The following MCTP1 variants were observed in gnomAD, a reference collection of about 807,000 sequenced individuals.
The protein encoded by MCTP1 is multiple C2 and transmembrane domain containing 1, also known as multiple C2 and transmembrane domain-containing protein 1.
A neutral mutation model predicts 120.6 loss-of-function variants in MCTP1; 69 were observed. That is an observed-to-expected ratio of 0.57 (90% CI 0.47 to 0.70). MCTP1 has a LOEUF of 0.70. Ranked by LOEUF, MCTP1 falls within the 30% of genes least tolerant of loss-of-function variation. The probability of loss-of-function intolerance (pLI) is 0.00; values close to 1 mark genes in which losing one functional copy is unlikely to be tolerated. For missense variants in MCTP1, 1,203 were observed against 1,248.8 expected (o/e 0.96, Z 0.55); for synonymous variants, 529 against 493.1 (o/e 1.07, Z -0.96).
intron 1 of MCTP1, among the ~76,000 whole-genome samples, chr5:95,068,225 G>C (rs554036269): frequency 6.6e-6 from 1 of 152,068 alleles, no homozygotes; most frequent in Non-Finnish European, 1.5e-5. Flanking sequence ...ATAATGTCTT[G>C]GGTAGGGTTT....
In MCTP1 at chr5:95,214,028, C is replaced by G. The variant is rs1752729933; in HGVS notation, c.720+69828G>C. ...AATTGACAAATGGGATCTAATTAAA[C>G]TAAAGAGCTTCTGCACAGCAAAAGA... On this transcript the variant is annotated intron_variant, in intron 1 of 22. Coordinates refer to ENST00000515393, the MANE Select transcript of MCTP1 (RefSeq NM_024717.7). 2.6e-5 allele frequency among the ~76,000 whole-genome samples: 4 copies of G among 152,244 alleles called. No homozygotes were observed. In the South Asian group the frequency reaches 8.3e-4, roughly 32 times the overall value.
At chr5:94,746,698 T>C (rs974811429) in intron 19 of MCTP1, among the ~76,000 whole-genome samples, 1 of 152,232 alleles carries the variant, frequency 6.6e-6, no homozygotes, top group Non-Finnish European at 1.5e-5. Context: ...ATGCATTCCA[T>C]GTCATAAAGA....
At chr5:94,883,314 A>G (rs1322205186) in intron 12 of MCTP1, among the ~76,000 whole-genome samples, 1 of 152,194 alleles carries the variant, frequency 6.6e-6, no homozygotes, top group East Asian at 1.9e-4. Context: ...ATGGTACACT[A>G]TCTGCTTAAA....
chr5:94,914,447 GCTT>G (rs1478379341), intron 8 of MCTP1, among the ~76,000 whole-genome samples: 15 of 152,320 alleles, frequency 9.8e-5, no homozygotes, highest in East Asian at 7.7e-4. Context: ...ATTTCAGAGT[GCTT>G]CTATTAGGAA....
At chr5:94,978,383 TAA>T (rs1828592128) in intron 2 of MCTP1, among the ~76,000 whole-genome samples, 1 of 152,072 alleles carries the variant, frequency 6.6e-6, no homozygotes, top group Non-Finnish European at 1.5e-5. Flanking sequence ...ATCAGGATCT[TAA>T]AGAGAAATAA....
chr5:94,971,652 A>C (rs1250355524), intron 2 of MCTP1, among the ~76,000 whole-genome samples: 2 of 152,132 alleles, frequency 1.3e-5, no homozygotes, highest in Non-Finnish European at 2.9e-5. Context: ...TTCCATTGCT[A>C]AATATGCCAA....
At chr5:95,139,146 A>G (rs774444912) in intron 1 of MCTP1, among the ~76,000 whole-genome samples, 3 of 152,262 alleles carry the variant, frequency 2.0e-5, no homozygotes, top group South Asian at 4.1e-4. Flanking sequence ...ATCCATCAAA[A>G]AAGTTAGATC....
At chr5:94,957,278 G>A (rs1004621007) in intron 2 of MCTP1, among the ~76,000 whole-genome samples, 4 of 152,158 alleles carry the variant, frequency 2.6e-5, no homozygotes, top group African/African-American at 9.6e-5. Context: ...GCTAAATATG[G>A]AAAGGAAAAA....
At chr5:95,119,508 GAAGAA>G (rs1299067283) in intron 1 of MCTP1, among the ~76,000 whole-genome samples, 2 of 151,904 alleles carry the variant, frequency 1.3e-5, no homozygotes, top group African/African-American at 2.4e-5. Flanking sequence ...AAAATTAGTA[GAAGAA>G]AAGAAATAAT....
At chr5:94,995,678 C>G (rs1211156996) in intron 2 of MCTP1, among the ~76,000 whole-genome samples, 1 of 152,122 alleles carries the variant, frequency 6.6e-6, no homozygotes, top group East Asian at 1.9e-4. Context: ...GCTTTCCTCC[C>G]AAGGGAAATC....
intron 1 of MCTP1, among the ~76,000 whole-genome samples, chr5:95,263,784 C>T (rs1340423993): frequency 6.6e-6 from 1 of 152,132 alleles, no homozygotes; most frequent in Non-Finnish European, 1.5e-5. Flanking sequence ...ATGTTATTCC[C>T]CCAGATTTAC....
chr5:95,211,908 C>T (rs941271952), intron 1 of MCTP1, among the ~76,000 whole-genome samples: 1 of 152,064 alleles, frequency 6.6e-6, no homozygotes, highest in African/African-American at 2.4e-5. Context: ...GGACCCTCAG[C>T]TGCAGGTCTG....
At chr5:94,868,680 G>A (rs1429395115) in intron 16 of MCTP1, among the ~76,000 whole-genome samples, 4 of 151,742 alleles carry the variant, frequency 2.6e-5, no homozygotes, top group Non-Finnish European at 5.9e-5. Context: ...TAACATGTAG[G>A]TTGGACTACC....
At chr5:94,912,522 T>A (rs1329797697) in intron 9 of MCTP1, among the ~76,000 whole-genome samples, 1 of 147,290 alleles carries the variant, frequency 6.8e-6, no homozygotes, top group Non-Finnish European at 1.5e-5. Context: ...TCTGGGTGGC[T>A]GTTATTGTTT....
At chr5:95,079,163 C>T (rs1754315273) in intron 1 of MCTP1, among the ~76,000 whole-genome samples, 1 of 152,134 alleles carries the variant, frequency 6.6e-6, no homozygotes. Flanking sequence ...GGGTTTATCT[C>T]AGGGGGGATA....
intron 1 of MCTP1, among the ~76,000 whole-genome samples, chr5:95,069,906 T>C (rs1262060109): frequency 1.3e-5 from 2 of 151,968 alleles, no homozygotes; most frequent in African/African-American, 4.8e-5. Context: ...GGTTTCACCG[T>C]GTTAGCCAGG....
intron 1 of MCTP1, among the ~76,000 whole-genome samples, chr5:95,269,617 G>C (rs949202259): frequency 6.6e-6 from 1 of 152,206 alleles, no homozygotes; most frequent in Non-Finnish European, 1.5e-5. Context: ...GGGACAGTCA[G>C]ACTCAATCAC....
intron 1 of MCTP1, among the ~76,000 whole-genome samples, chr5:95,031,964 G>A (rs994225679): frequency 6.6e-6 from 1 of 152,018 alleles, no homozygotes; most frequent in Non-Finnish European, 1.5e-5. Context: ...ATAAAACAGA[G>A]TTTAAATCAA....
intron 19 of MCTP1, among the ~76,000 whole-genome samples, chr5:94,745,248 G>T (rs763888467): frequency 6.6e-6 from 1 of 152,142 alleles, no homozygotes; most frequent in African/African-American, 2.4e-5. Context: ...TCCCAAAATG[G>T]GTCAATTATA....
Sources: gnomAD v4.1 joint callset for allele counts (sites outside exome capture counted in the v4.1 genomes callset) on GRCh38, gnomAD v4.1.1 for gene constraint, MANE v1.5 for transcripts, NCBI Gene and HGNC (gene_info 2026-07-23, HGNC 2026-07-21) for gene names.